The following SRD5A2 variants were observed in gnomAD, a reference collection of about 807,000 sequenced individuals.
SRD5A2 encodes 3-oxo-5-alpha-steroid 4-dehydrogenase 2.
Under a neutral mutation model 27.4 loss-of-function variants are expected in SRD5A2, and 30 were observed. That is an observed-to-expected ratio of 1.10 (90% confidence interval 0.82 to 1.49). The LOEUF is 1.49. Among genes scored for constraint, SRD5A2 ranks in the 40% most tolerant of loss-of-function variants. The pLI, the probability that SRD5A2 is intolerant of heterozygous loss-of-function variation, is 0.00. For missense variants in SRD5A2, 348 were observed against 323.4 expected, an observed-to-expected ratio of 1.08 and a Z score of -0.58; for synonymous variants, 141 against 133.6, an observed-to-expected ratio of 1.06 and a Z score of -0.38.
the SRD5A2 span, among the ~76,000 whole-genome samples, chr2:31,656,063 C>A: frequency 5.3e-5 from 8 of 152,132 alleles, no homozygotes; most frequent in Non-Finnish European, 1.0e-4. Flanking sequence ...TATATCAGTT[C>A]TCTCTGTGAA....
At chr2:31,547,780 T>C (rs1348520487) in intron 1 of SRD5A2, among the ~76,000 whole-genome samples, 1 of 152,156 alleles carries the variant, frequency 6.6e-6, no homozygotes, top group Non-Finnish European at 1.5e-5. Context: ...AGATGATCTG[T>C]TATGAAACTT....
the SRD5A2 span, among the ~76,000 whole-genome samples, chr2:31,638,479 G>A: frequency 6.6e-6 from 1 of 151,944 alleles, no homozygotes; most frequent in African/African-American, 2.4e-5. Flanking sequence ...TTTCTTTGTT[G>A]ATTTTCTGTC....
At chr2:31,579,760 T>C (rs1667031580) in intron 1 of SRD5A2, among the ~76,000 whole-genome samples, 1 of 152,224 alleles carries the variant, frequency 6.6e-6, no homozygotes, top group Non-Finnish European at 1.5e-5. Context: ...TTCTTCCCTT[T>C]CCCTGTGAGA....
chr2:31,657,902 G>A, the SRD5A2 span, among the ~76,000 whole-genome samples: 2 of 151,790 alleles, frequency 1.3e-5, no homozygotes, highest in African/African-American at 4.8e-5. Context: ...AAAGGAAGGA[G>A]AGAACTTAGA....
the SRD5A2 span, among the ~76,000 whole-genome samples, chr2:31,641,934 G>C: frequency 4.6e-5 from 7 of 151,946 alleles, no homozygotes; most frequent in South Asian, 1.5e-3. Flanking sequence ...AAAGCAACTA[G>C]AATAGCCAAA....
chr2:31,529,394 T>C lies in SRD5A2; in HGVS notation c.611A>G (p.Tyr204Cys), dbSNP rs1379266735. 3 of 1,613,936 alleles carry C rather than the reference T, an allele frequency of 1.9e-6. No homozygotes were observed. Among genetic ancestry groups the C allele is most frequent in the East Asian group, 2.2e-5 (1 of 44,876 alleles). ...TGGGAGGGACCAAGTGGCCAGGGCATAGCCGATCCATTCAATGATCTCACC... is the reference window on the plus strand; with the variant it reads ...TGGGAGGGACCAAGTGGCCAGGGCACAGCCGATCCATTCAATGATCTCACC... Reference protein sequence around the residue: ...FLGEIIEWIGYALATWSLPAL... With the variant: ...FLGEIIEWIGCALATWSLPAL... Residue 204 changes from tyrosine to cysteine, a missense_variant, in exon 4 of 5, where the codon TAT (tyrosine) becomes TGT (cysteine). Tyr to Cys is a radical substitution (Grantham distance 194). Transcript: ENST00000622030.
the SRD5A2 span, among the ~76,000 whole-genome samples, chr2:31,587,177 T>C: frequency 6.6e-6 from 1 of 152,052 alleles, no homozygotes; most frequent in Non-Finnish European, 1.5e-5. Flanking sequence ...GAAACGCAAA[T>C]CAAAACCACA....
the SRD5A2 span, among the ~76,000 whole-genome samples, chr2:31,591,426 G>A: frequency 1.3e-5 from 2 of 152,084 alleles, no homozygotes; most frequent in African/African-American, 4.8e-5. Flanking sequence ...TCATTAAAAA[G>A]TCAGGAAACA....
chr2:31,586,237 G>A, the SRD5A2 span, among the ~76,000 whole-genome samples: 94,005 of 151,846 alleles, frequency 0.62, 29,451 homozygotes, highest in Middle Eastern at 0.68. Context: ...CAATTTTAAT[G>A]CAATAGAATG....
the SRD5A2 span, among the ~76,000 whole-genome samples, chr2:31,618,524 A>T: frequency 1.3e-5 from 2 of 152,194 alleles, no homozygotes; most frequent in African/African-American, 4.8e-5. Context: ...ATCATTTGCA[A>T]CAACATGGAT....
the SRD5A2 span, among the ~76,000 whole-genome samples, chr2:31,621,307 A>C: frequency 6.6e-5 from 10 of 152,072 alleles, no homozygotes; most frequent in South Asian, 4.2e-4. Context: ...AGAAATTATT[A>C]ATCTGTTTCT....
chr2:31,624,965 C>T, the SRD5A2 span, among the ~76,000 whole-genome samples: 458 of 152,280 alleles, frequency 3.0e-3, 1 homozygote, highest in Non-Finnish European at 5.2e-3. Context: ...AACTAGTTTA[C>T]GCTCCCACCA....
chr2:31,564,602 C>T (rs1342915666), intron 1 of SRD5A2, among the ~76,000 whole-genome samples: 1 of 151,850 alleles, frequency 6.6e-6, no homozygotes, highest in Non-Finnish European at 1.5e-5. Flanking sequence ...TATAGTAACC[C>T]AACATCTCAA....
the SRD5A2 span, among the ~76,000 whole-genome samples, chr2:31,596,148 C>T: frequency 3.9e-5 from 6 of 152,094 alleles, no homozygotes; most frequent in South Asian, 2.1e-4. Context: ...GTGGTGCTCA[C>T]GCCTGTAATC....
intron 1 of SRD5A2, among the ~76,000 whole-genome samples, chr2:31,535,526 T>C (rs912753979): frequency 6.6e-6 from 1 of 152,180 alleles, no homozygotes; most frequent in African/African-American, 2.4e-5. Context: ...ACTATGAGGA[T>C]CTTTAATTAT....
chr2:31,531,520 A>C, intron 2 of SRD5A2, 48 bp from the exon 3 acceptor site: 1 of 1,232,028 alleles, frequency 8.1e-7, no homozygotes, highest in East Asian at 2.5e-5. Context: ...ATGTGTCCAG[A>C]TTGTGGTGCT....
chr2:31,590,168 C>A, the SRD5A2 span, among the ~76,000 whole-genome samples: 2 of 148,346 alleles, frequency 1.3e-5, no homozygotes, highest in Admixed American at 6.7e-5. Context: ...ACCCACCCTG[C>A]GCTCAATGGT....
chr2:31,642,294 A>G, the SRD5A2 span, among the ~76,000 whole-genome samples: 178 of 152,224 alleles, frequency 1.2e-3, no homozygotes, highest in African/African-American at 4.2e-3. Flanking sequence ...TAAAACTTCA[A>G]GAAGAAAACA....
At chr2:31,659,400 T>A in the SRD5A2 span, among the ~76,000 whole-genome samples, 1 of 152,130 alleles carries the variant, frequency 6.6e-6, no homozygotes, top group African/African-American at 2.4e-5. Flanking sequence ...CTATTCCTAT[T>A]TGCATGCAAT....
Sources: allele counts gnomAD v4.1 joint callset (sites outside exome capture counted in the v4.1 genomes callset), GRCh38; gene constraint gnomAD v4.1.1; transcripts MANE v1.5; gene names NCBI Gene and HGNC (gene_info 2026-07-23, HGNC 2026-07-21).